The following NPAS3 variants were observed in gnomAD, a reference collection of about 807,000 sequenced individuals.
NPAS3 encodes neuronal PAS domain protein 3.
A neutral mutation model predicts 73.1 loss-of-function variants in NPAS3; 14 were observed. The ratio of observed to expected loss-of-function variants is 0.19; its 90% CI spans 0.13 to 0.30. The LOEUF (loss-of-function observed/expected upper bound fraction) is 0.30, where lower values mean the gene tolerates loss of function less well. NPAS3 is among the 10% of genes least tolerant of loss of function. The pLI is 1.00. For missense variants in NPAS3, 1,096 were observed against 1,250.0 expected, an observed-to-expected ratio of 0.88 and a Z score of 1.86; for synonymous variants, 620 against 541.5, an observed-to-expected ratio of 1.14 and a Z score of -2.01.
chr14:33,064,087 C>T (rs1339117724), intron 2 of NPAS3, among the ~76,000 whole-genome samples: 1 of 152,026 alleles, frequency 6.6e-6, no homozygotes, highest in Non-Finnish European at 1.5e-5. Flanking sequence ...TAAAGGAGAT[C>T]ATTGTGAATT....
In NPAS3 at chr14:33,764,026, T is replaced by C. The variant is rs903045418; in HGVS notation, c.853-10311T>C. Reference sequence around the variant, plus strand: ...CCTAGGGCTGGTCTACCCATCTACATGGACAATTGTCTTTACTTCTACATC... The same window carrying C: ...CCTAGGGCTGGTCTACCCATCTACACGGACAATTGTCTTTACTTCTACATC... On this transcript the variant is annotated intron_variant, in intron 7 of 11. Transcript: ENST00000356141. Among the ~76,000 whole-genome samples, 4 of 152,206 alleles carry C rather than the reference T, an allele frequency of 2.6e-5. No individual in the cohort carries two copies. The East Asian group carries it at 7.7e-4, about 29-fold the overall frequency.
chr14:33,002,888 A>G (rs530213428), intron 1 of NPAS3, among the ~76,000 whole-genome samples: 57 of 151,736 alleles, frequency 3.8e-4, no homozygotes, highest in African/African-American at 1.3e-3. Context: ...TCTAATCCCA[A>G]CTTTGTTGTT....
Position 33,272,916 on chromosome 14 carries a change from A to G in NPAS3, c.385+57490A>G, listed in dbSNP as rs189842933. On this transcript the variant is annotated intron_variant, in intron 3 of 11. Transcript: ENST00000356141. ...CAATTTTACAAAGCAGAATTATGTC[A>G]GCTAAACTGTTGTCTTGACTAATTC... Among the ~76,000 whole-genome samples the G allele has an allele frequency of 1.4e-3, 206 of 152,340 alleles. 1 individual carries two copies. The highest frequency in any genetic ancestry group is 4.6e-3 in the African/African-American group (192 of 41,582).
At chr14:33,572,245 G>A (rs2056245919) in intron 5 of NPAS3, among the ~76,000 whole-genome samples, 1 of 152,040 alleles carries the variant, frequency 6.6e-6, no homozygotes. Context: ...ATCATTCTGT[G>A]AGCCTTATCT....
intron 2 of NPAS3, among the ~76,000 whole-genome samples, chr14:33,124,243 A>C (rs576857290): frequency 1.5e-4 from 23 of 152,164 alleles, no homozygotes; most frequent in Non-Finnish European, 2.6e-4. Context: ...ATAACATCAG[A>C]GTAGATGCTT....
chr14:33,350,583 G>A (rs1394616299), intron 3 of NPAS3, among the ~76,000 whole-genome samples: 3 of 152,230 alleles, frequency 2.0e-5, no homozygotes, highest in East Asian at 1.9e-4. Context: ...AAGAACAAAC[G>A]CACTGAAGAG....
chr14:33,639,157 A>G (rs1292136229), intron 5 of NPAS3, among the ~76,000 whole-genome samples: 3 of 152,150 alleles, frequency 2.0e-5, no homozygotes, highest in Admixed American at 6.6e-5. Flanking sequence ...ACTATTAACT[A>G]TTACCACTCT....
intron 1 of NPAS3, among the ~76,000 whole-genome samples, chr14:33,045,709 A>AT (rs1348853961): frequency 6.6e-6 from 1 of 152,216 alleles, no homozygotes; most frequent in Admixed American, 6.5e-5. Flanking sequence ...AGTTGATGGT[A>AT]TTTTTTTCAG....
intron 4 of NPAS3, among the ~76,000 whole-genome samples, chr14:33,374,016 A>AATGTGTCCTGT (rs2046211336): frequency 6.6e-6 from 1 of 152,064 alleles, no homozygotes. Context: ...TCAGGACACA[A>AATGTGTCCTGT]ATGTGTCCTG....
intron 9 of NPAS3, among the ~76,000 whole-genome samples, chr14:33,780,221 G>A (rs2062937087): frequency 6.6e-6 from 1 of 152,166 alleles, no homozygotes; most frequent in South Asian, 2.1e-4. Context: ...AGGGATTTAG[G>A]GAACACACTT....
intron 1 of NPAS3, among the ~76,000 whole-genome samples, chr14:33,041,866 G>A (rs749333468): frequency 2.6e-5 from 4 of 152,152 alleles, no homozygotes; most frequent in Non-Finnish European, 5.9e-5. Flanking sequence ...TAGTTAGGCA[G>A]TCATGACGGG....
chr14:33,048,217 G>C (rs893128303), intron 1 of NPAS3, among the ~76,000 whole-genome samples: 1 of 152,090 alleles, frequency 6.6e-6, no homozygotes, highest in African/African-American at 2.4e-5. Context: ...TTTTGAAGGT[G>C]GTCAGGTATT....
At chr14:33,149,527 T>A (rs1239455864) in intron 2 of NPAS3, among the ~76,000 whole-genome samples, 1 of 152,224 alleles carries the variant, frequency 6.6e-6, no homozygotes. Context: ...CAATTTGCTT[T>A]GTGGTGGTGG....
At chr14:33,550,266 G>A (rs975395445) in intron 4 of NPAS3, among the ~76,000 whole-genome samples, 1 of 152,146 alleles carries the variant, frequency 6.6e-6, no homozygotes, top group African/African-American at 2.4e-5. Context: ...CGATTCTCCT[G>A]CCTCAGCCTC....
At chr14:33,234,239 A>T (rs1436623117) in intron 3 of NPAS3, among the ~76,000 whole-genome samples, 1 of 152,116 alleles carries the variant, frequency 6.6e-6, no homozygotes, top group Non-Finnish European at 1.5e-5. Flanking sequence ...GTAAGTGTGT[A>T]TAATAAATCA....
intron 3 of NPAS3, among the ~76,000 whole-genome samples, chr14:33,319,796 C>G (rs1018757777): frequency 2.0e-5 from 3 of 152,178 alleles, no homozygotes; most frequent in African/African-American, 7.2e-5. Flanking sequence ...AAACCTCACA[C>G]AGAGCACTTG....
intron 2 of NPAS3, among the ~76,000 whole-genome samples, chr14:33,183,410 A>T: frequency 7.8e-6 from 1 of 127,538 alleles, no homozygotes; most frequent in Non-Finnish European, 1.6e-5. Context: ...TGGGCGACAG[A>T]GTGAGACTCT....
intron 5 of NPAS3, among the ~76,000 whole-genome samples, chr14:33,606,578 C>T (rs2057574342): frequency 6.6e-6 from 1 of 152,060 alleles, no homozygotes; most frequent in South Asian, 2.1e-4. Flanking sequence ...TACCATTCAC[C>T]ATATAAAAAA....
At chr14:33,341,947 G>T (rs544202357) in intron 3 of NPAS3, among the ~76,000 whole-genome samples, 2 of 152,054 alleles carry the variant, frequency 1.3e-5, no homozygotes, top group Non-Finnish European at 2.9e-5. Context: ...AATTTCAGTC[G>T]TCGTTTCTGG....
Sources: allele counts gnomAD v4.1 joint callset (sites outside exome capture counted in the v4.1 genomes callset), GRCh38; gene constraint gnomAD v4.1.1; transcripts MANE v1.5; gene names NCBI Gene and HGNC (gene_info 2026-07-23, HGNC 2026-07-21).